Variants in TMEM131L observed in about 807,000 individuals in gnomAD.
TMEM131L encodes the protein transmembrane protein 131-like.
Under a neutral mutation model 192.2 loss-of-function variants are expected in TMEM131L, and 54 were observed. The observed-to-expected ratio is 0.28, with a 90% CI of 0.23 to 0.35. The LOEUF is 0.35. Among genes scored for constraint, TMEM131L ranks in the 10% least tolerant of loss-of-function variants. TMEM131L has a pLI of 1.00. For missense variants in TMEM131L, 1,888 were observed against 1,972.9 expected (o/e 0.96, Z 0.82); for synonymous variants, 701 against 704.9 (o/e 0.99, Z 0.09).
chr4:153,558,985 A>G (rs1262810550), intron 7 of TMEM131L, among the ~76,000 whole-genome samples: 1 of 152,224 alleles, frequency 6.6e-6, no homozygotes, highest in East Asian at 1.9e-4. Context: ...TAACTGGATA[A>G]TTTTATAATT....
intron 3 of TMEM131L, among the ~76,000 whole-genome samples, chr4:153,518,825 C>G (rs894713950): frequency 6.6e-6 from 1 of 152,188 alleles, no homozygotes; most frequent in African/African-American, 2.4e-5. Flanking sequence ...GCACTTGTGA[C>G]TCCGGGGGAC....
chr4:153,508,654 G>C (rs1424640237), intron 3 of TMEM131L, among the ~76,000 whole-genome samples: 1 of 151,426 alleles, frequency 6.6e-6, no homozygotes. Context: ...TGAATTGAGA[G>C]ATGTGATTTA....
At chr4:153,498,534 T>TG (rs1452119344) in intron 3 of TMEM131L, among the ~76,000 whole-genome samples, 1 of 152,144 alleles carries the variant, frequency 6.6e-6, no homozygotes, top group Non-Finnish European at 1.5e-5. Flanking sequence ...AGAGAGCGTG[T>TG]GGGTGTGTGT....
intron 28 of TMEM131L, among the ~76,000 whole-genome samples, chr4:153,622,647 T>TG (rs1451230460): frequency 6.6e-6 from 1 of 152,242 alleles, no homozygotes; most frequent in Non-Finnish European, 1.5e-5. Flanking sequence ...TATTAGATCA[T>TG]GCTTATGTAG....
At chr4:153,505,383 G>T (rs1400860704) in intron 3 of TMEM131L, among the ~76,000 whole-genome samples, 1 of 152,130 alleles carries the variant, frequency 6.6e-6, no homozygotes, top group Non-Finnish European at 1.5e-5. Context: ...TGGGATTGCA[G>T]GTGTGAGCCA....
chr4:153,594,830 C>T (rs1731315328), intron 19 of TMEM131L, among the ~76,000 whole-genome samples: 1 of 152,102 alleles, frequency 6.6e-6, no homozygotes, highest in East Asian at 1.9e-4. Flanking sequence ...GTTAGCGAGT[C>T]TGCCCCTCTC....
intron 26 of TMEM131L, 70 bp from the exon 27 acceptor site, chr4:153,620,685 CT>C: frequency 9.9e-7 from 1 of 1,013,146 alleles, no homozygotes; most frequent in Non-Finnish European, 1.4e-6. Context: ...TGGAGTTGGT[CT>C]TCAAACATTT....
At chr4:153,611,385 T>A (rs1161908594) in intron 25 of TMEM131L, among the ~76,000 whole-genome samples, 1 of 152,216 alleles carries the variant, frequency 6.6e-6, no homozygotes, top group African/African-American at 2.4e-5. Context: ...TAAAACTAAT[T>A]AGTGGCTGTC....
chr4:153,467,585 C>T (rs11723627), intron 2 of TMEM131L, among the ~76,000 whole-genome samples: 1 of 152,236 alleles, frequency 6.6e-6, no homozygotes, highest in Non-Finnish European at 1.5e-5. Context: ...ACACTGTTCC[C>T]TAAGTGAGCT....
intron 3 of TMEM131L, among the ~76,000 whole-genome samples, chr4:153,489,638 C>T (rs185879983): frequency 3.3e-5 from 5 of 152,028 alleles, no homozygotes; most frequent in South Asian, 2.1e-4. Flanking sequence ...CCACCATGCC[C>T]GGCTAATTTT....
intron 27 of TMEM131L, 54 bp from the exon 28 acceptor site, chr4:153,621,629 T>C: frequency 6.3e-7 from 1 of 1,576,756 alleles, no homozygotes; most frequent in African/African-American, 1.4e-5. Flanking sequence ...GAAGTCTGCA[T>C]GTGTACATGA....
At chr4:153,634,671 C>G (rs897970371) in intron 33 of TMEM131L, among the ~76,000 whole-genome samples, 8 of 152,146 alleles carry the variant, frequency 5.3e-5, no homozygotes, top group African/African-American at 1.9e-4. Flanking sequence ...TGGCCTGCTT[C>G]CTATTATGTC....
chr4:153,618,300 C>T lies in TMEM131L; in HGVS notation c.3568-2456C>T, dbSNP rs540479404. Among the ~76,000 whole-genome samples, 293 of 151,816 alleles carry T rather than the reference C, an allele frequency of 1.9e-3. 1 individual carries two copies. Among genetic ancestry groups the T allele is most frequent in the Non-Finnish European group, 2.7e-3 (185 of 67,910 alleles). On this transcript the variant is annotated intron_variant, in intron 26 of 34. Transcript: ENST00000409959. ...GACCAGTCTGGGCAACACAGCAAGA[C>T]CCCATCTCTGCAGAAAATAAAAAAA...
In TMEM131L at chr4:153,604,085, G is replaced by C; in HGVS notation, c.3073G>C (p.Ala1025Pro). ...PAAKEDICTDAMRENWISLRY... is the reference protein window; with the variant it reads ...PAAKEDICTDPMRENWISLRY... ...TGCTAAAGAGGACATTTGCACTGATGCCATGCGTGAGAACTGGATCAGCCT... is the reference window on the plus strand; with the variant it reads ...TGCTAAAGAGGACATTTGCACTGATCCCATGCGTGAGAACTGGATCAGCCT... The change falls in exon 25 of 35, where the codon GCC becomes CCC. Residue 1025 changes from alanine (A) to proline (P), a missense_variant. Ala to Pro is a conservative substitution (Grantham distance 27). Coordinates refer to ENST00000409959, the MANE Select transcript of TMEM131L (RefSeq NM_001131007.2). 13 of 1,614,178 alleles carry C rather than the reference G, an allele frequency of 8.1e-6. No homozygotes were observed. The highest frequency in any genetic ancestry group is 1.1e-5 in the Non-Finnish European group (13 of 1,180,030).
intron 9 of TMEM131L, 59 bp downstream of exon 9, chr4:153,581,619 T>C (rs938859369): frequency 8.3e-7 from 1 of 1,198,288 alleles, no homozygotes; most frequent in Admixed American, 2.6e-5. Context: ...CATCATTCTA[T>C]AGCATTTATG....
intron 3 of TMEM131L, among the ~76,000 whole-genome samples, chr4:153,533,041 A>G (rs903672861): frequency 6.9e-6 from 1 of 145,234 alleles, no homozygotes; most frequent in African/African-American, 2.6e-5. Flanking sequence ...GCTGGAGTGC[A>G]GTGTTGGCGA....
At chr4:153,506,151 C>T (rs1398179377) in intron 3 of TMEM131L, among the ~76,000 whole-genome samples, 1 of 152,160 alleles carries the variant, frequency 6.6e-6, no homozygotes, top group African/African-American at 2.4e-5. Context: ...CCTGAATCTA[C>T]ATATTGGAAG....
chr4:153,502,831 T>G (rs1028778748), intron 3 of TMEM131L, among the ~76,000 whole-genome samples: 4 of 152,220 alleles, frequency 2.6e-5, no homozygotes, highest in African/African-American at 9.6e-5. Context: ...AACTCTTGAT[T>G]GTCACTCCTG....
At chr4:153,466,556 C>T (rs1039229870) in intron 1 of TMEM131L, 35 bp downstream of exon 1, 2 of 1,284,838 alleles carry the variant, frequency 1.6e-6, no homozygotes, top group Non-Finnish European at 9.9e-7. Context: ...CTCTGCCTCT[C>T]CACCCCGCCC....
Sources: allele counts gnomAD v4.1 joint callset (sites outside exome capture counted in the v4.1 genomes callset), GRCh38; gene constraint gnomAD v4.1.1; transcripts MANE v1.5; gene names NCBI Gene and HGNC (gene_info 2026-07-23, HGNC 2026-07-21).